Variants in EXOC6 observed in about 807,000 individuals in gnomAD.
EXOC6 encodes the protein exocyst complex component 6, also known as SEC15-like 1.
Under a neutral mutation model 112.5 loss-of-function variants are expected in EXOC6, and 60 were observed. The ratio of observed to expected loss-of-function variants is 0.53; its 90% CI spans 0.43 to 0.66. EXOC6 has a LOEUF of 0.66. Among genes scored for constraint, EXOC6 ranks in the 30% least tolerant of loss-of-function variants. The pLI is 0.00. For synonymous variants in EXOC6, 295 were observed against 308.0 expected (o/e 0.96, Z 0.44); for missense variants, 855 against 957.1 (o/e 0.89, Z 1.41).
rs745954879 is a variant in EXOC6, at chr10:93,014,184, CT to C, written c.2096-6del. The C allele has an allele frequency of 5.2e-5, 83 of 1,587,372 alleles. No individual in the cohort carries two copies. In the South Asian group the frequency reaches 9.4e-4, roughly 18 times the overall value. ...TCATTTTTATTCTTTTTTTTTCTTT[CT>C]TTTAATAGTGTTTGCCAGCTCTGAG... On this transcript the variant is annotated splice_polypyrimidine_tract_variant and intron_variant, in intron 19 of 21. Transcript: ENST00000260762.
At chr10:93,057,280 A>G (rs1687533819) in intron 21 of EXOC6, among the ~76,000 whole-genome samples, 2 of 152,146 alleles carry the variant, frequency 1.3e-5, no homozygotes, top group African/African-American at 4.8e-5. Context: ...CTGAATTGCA[A>G]GCTTAATTGA....
intron 19 of EXOC6, chr10:92,999,424 T>G (rs1843651818): frequency 3.4e-6 from 1 of 292,388 alleles, no homozygotes; most frequent in Non-Finnish European, 6.6e-6. Context: ...ACTTTGAAAC[T>G]GGTTTCTTAA....
At chr10:92,877,792 T>A (rs1045059788) in intron 1 of EXOC6, among the ~76,000 whole-genome samples, 5 of 152,152 alleles carry the variant, frequency 3.3e-5, no homozygotes, top group African/African-American at 1.2e-4. Flanking sequence ...TGAAAAACAT[T>A]TAACAAATTA....
chr10:92,855,844 T>C (rs1171153231), intron 1 of EXOC6, among the ~76,000 whole-genome samples: 1 of 152,046 alleles, frequency 6.6e-6, no homozygotes, highest in African/African-American at 2.4e-5. Flanking sequence ...TCTGTTTTAT[T>C]GATTTTTTTC....
intron 5 of EXOC6, among the ~76,000 whole-genome samples, chr10:92,903,372 AATT>A (rs1176416973): frequency 1.3e-5 from 2 of 150,172 alleles, no homozygotes; most frequent in African/African-American, 2.5e-5. Flanking sequence ...AGAATAAACA[AATT>A]TTTTTTTTTT....
At chr10:92,857,117 G>T (rs1367161537) in intron 1 of EXOC6, among the ~76,000 whole-genome samples, 1 of 146,908 alleles carries the variant, frequency 6.8e-6, no homozygotes, top group African/African-American at 2.5e-5. Context: ...TACATAGTTG[G>T]ATTCACATCT....
At chr10:93,011,746 T>C (rs892286710) in intron 19 of EXOC6, among the ~76,000 whole-genome samples, 3 of 151,996 alleles carry the variant, frequency 2.0e-5, no homozygotes, top group African/African-American at 7.3e-5. Context: ...CCTAGGCCAT[T>C]TTCAGTTAAG....
At chr10:92,881,440 C>T (rs1848959924) in intron 1 of EXOC6, among the ~76,000 whole-genome samples, 1 of 152,170 alleles carries the variant, frequency 6.6e-6, no homozygotes, top group African/African-American at 2.4e-5. Flanking sequence ...ACTTTCTTGC[C>T]TCTCTGAAGA....
At position 92,948,079 on chromosome 10, in the gene EXOC6, G is replaced by C. The variant is rs941829657; in HGVS notation, c.1311-195G>C. Among the ~76,000 whole-genome samples, 13 of 152,118 alleles carry C rather than the reference G, an allele frequency of 8.5e-5. 1 individual carries two copies. The highest frequency in any genetic ancestry group is 8.5e-4 in the Admixed American group (13 of 15,272). ...CTAGTGGAAAAAGGAGATTGTACCT[G>C]GATTTTGAGGGACAAGACCTATTTG... On this transcript the variant is annotated intron_variant, in intron 13 of 21. Coordinates refer to ENST00000260762, the MANE Select transcript of EXOC6 (RefSeq NM_019053.6).
At chr10:92,933,865 A>G (rs563993856) in intron 9 of EXOC6, among the ~76,000 whole-genome samples, 4 of 152,276 alleles carry the variant, frequency 2.6e-5, no homozygotes, top group South Asian at 2.1e-4. Context: ...GGTATAATAC[A>G]TAGTCAAAGT....
At chr10:92,920,146 C>A in intron 8 of EXOC6, 96 bp downstream of exon 8, 2 of 686,534 alleles carry the variant, frequency 2.9e-6, no homozygotes, top group Non-Finnish European at 4.6e-6. Flanking sequence ...TGCTGTAAAT[C>A]TTCACATAAT....
In EXOC6 at chr10:92,918,570, A is replaced by G. The variant is rs550609653; in HGVS notation, c.820-1412A>G. Among the ~76,000 whole-genome samples the G allele has an allele frequency of 2.9e-3, 439 of 152,176 alleles. 2 individuals carry two copies. The highest frequency in any genetic ancestry group is 5.4e-3 in the Non-Finnish European group (366 of 68,016). On this transcript the variant is annotated intron_variant, in intron 7 of 21. Coordinates refer to ENST00000260762, the MANE Select transcript of EXOC6 (RefSeq NM_019053.6). ...GTTGGAACTACAGGCACATGCCTGTATATACTATATCCAGCTAATTTTTTT... is the reference window on the plus strand; with the variant it reads ...GTTGGAACTACAGGCACATGCCTGTGTATACTATATCCAGCTAATTTTTTT...
intron 17 of EXOC6, among the ~76,000 whole-genome samples, chr10:92,967,145 T>G (rs1297071452): frequency 5.3e-5 from 8 of 151,564 alleles, no homozygotes; most frequent in Admixed American, 4.0e-4. Flanking sequence ...TGTTTGTTTT[T>G]TTCTTGTAAA....
intron 19 of EXOC6, among the ~76,000 whole-genome samples, chr10:93,008,537 T>G (rs996790407): frequency 1.3e-5 from 2 of 152,182 alleles, no homozygotes; most frequent in African/African-American, 4.8e-5. Context: ...ACAAATTATA[T>G]ACAAAATGAG....
chr10:92,985,271 C>A (rs569360447), intron 18 of EXOC6, among the ~76,000 whole-genome samples: 1 of 152,022 alleles, frequency 6.6e-6, no homozygotes, highest in Non-Finnish European at 1.5e-5. Context: ...TTTTCCATCC[C>A]GTTTCTCATT....
At chr10:93,054,001 T>C (rs1436203536) in intron 20 of EXOC6, among the ~76,000 whole-genome samples, 2 of 152,224 alleles carry the variant, frequency 1.3e-5, no homozygotes, top group African/African-American at 4.8e-5. Context: ...ATTGGATTCA[T>C]AGACTGAGCG....
intron 1 of EXOC6, among the ~76,000 whole-genome samples, chr10:92,839,352 G>A (rs1020722846): frequency 6.6e-6 from 1 of 152,156 alleles, no homozygotes; most frequent in African/African-American, 2.4e-5. Flanking sequence ...GCTGTCCGGG[G>A]CCATGTTCGA....
chr10:92,996,360 A>G (rs975303506), intron 18 of EXOC6, among the ~76,000 whole-genome samples: 2 of 152,144 alleles, frequency 1.3e-5, no homozygotes, highest in Non-Finnish European at 2.9e-5. Flanking sequence ...AAACCTGTTT[A>G]AAAAAATAAT....
At chr10:92,837,002 G>T (rs1384592574) in intron 1 of EXOC6, among the ~76,000 whole-genome samples, 1 of 151,938 alleles carries the variant, frequency 6.6e-6, no homozygotes, top group Non-Finnish European at 1.5e-5. Context: ...GCTGCTAGGT[G>T]CTAGGCCTTG....
Sources: allele counts gnomAD v4.1 joint callset (sites outside exome capture counted in the v4.1 genomes callset), GRCh38; gene constraint gnomAD v4.1.1; transcripts MANE v1.5; gene names NCBI Gene and HGNC (gene_info 2026-07-23, HGNC 2026-07-21).